Variants in AGPAT3 observed in about 807,000 individuals in gnomAD.
AGPAT3 encodes 1-acyl-sn-glycerol-3-phosphate acyltransferase gamma.
AGPAT3 carries 5 observed loss-of-function variants against 47.3 expected under a neutral mutation model. The observed-to-expected ratio is 0.11, with a 90% CI of 0.06 to 0.22. AGPAT3 has a LOEUF of 0.22. AGPAT3 is among the 10% of genes least tolerant of loss of function. AGPAT3 has a pLI of 1.00. For missense variants in AGPAT3, 315 were observed against 493.0 expected, an observed-to-expected ratio of 0.64 and a Z score of 3.42; for synonymous variants, 212 against 208.3, an observed-to-expected ratio of 1.02 and a Z score of -0.15.
Position 43,970,557 on chromosome 21 carries a change from A to T in AGPAT3, c.511-96A>T. The stretch of plus-strand genomic sequence containing the variant: ...TTCCAAGATTTCCACAAATTCAGCC[A>T]CAACCTTTGCTGCCTGTCAGAGAGG... On this transcript the variant is annotated intron_variant, in intron 5 of 9. Transcript: ENST00000291572. The surrounding 1 kb of genome is among the most constrained non-coding windows in gnomAD (Gnocchi z 5.8). 7.3e-7 allele frequency: 1 copy of T among 1,379,090 alleles called. No homozygotes were observed. The highest frequency in any genetic ancestry group is 1.0e-6 in the Non-Finnish European group (1 of 1,004,832). 85.4% of individuals were successfully genotyped at this position (1,379,090 alleles called of 1,614,324 possible). A position where few individuals can be genotyped will look rare whatever the true frequency, so the allele number is the denominator to read the frequency against.
At chr21:43,923,790 AGCTGGGGT>A (rs2086967971) in intron 2 of AGPAT3, among the ~76,000 whole-genome samples, 1 of 152,146 alleles carries the variant, frequency 6.6e-6, no homozygotes, top group Admixed American at 6.5e-5. Flanking sequence ...GTCCCTGGGG[AGCTGGGGT>A]GCACGGGCCT....
chr21:43,937,554 GT>G (rs764182859), intron 2 of AGPAT3, among the ~76,000 whole-genome samples: 11 of 152,130 alleles, frequency 7.2e-5, no homozygotes, highest in Non-Finnish European at 1.3e-4. Flanking sequence ...GGAAAAGGGA[GT>G]TTTTTTTGTT....
chr21:43,888,081 C>T (rs2086020571), intron 1 of AGPAT3, among the ~76,000 whole-genome samples: 1 of 152,222 alleles, frequency 6.6e-6, no homozygotes, highest in Non-Finnish European at 1.5e-5. Flanking sequence ...CACTCTTTCA[C>T]CTGTATTGGA....
chr21:43,972,295 C>G (rs1207480563), intron 7 of AGPAT3, among the ~76,000 whole-genome samples: 3 of 152,182 alleles, frequency 2.0e-5, no homozygotes, highest in African/African-American at 7.2e-5. Context: ...CAGGTGCCCA[C>G]TACCTCGCCT....
intron 3 of AGPAT3, chr21:43,965,731 C>T (rs1422792416): frequency 6.6e-6 from 1 of 152,134 alleles, no homozygotes; most frequent in African/African-American, 2.4e-5. Flanking sequence ...GTGCCCCAGC[C>T]TCCCAAGTAG....
intron 1 of AGPAT3, among the ~76,000 whole-genome samples, chr21:43,887,988 T>C (rs771374987): frequency 2.0e-5 from 3 of 152,242 alleles, no homozygotes; most frequent in Non-Finnish European, 4.4e-5. Context: ...TAATTCAACT[T>C]CTCTATACAA....
intron 1 of AGPAT3, among the ~76,000 whole-genome samples, chr21:43,889,974 C>T (rs138318387): frequency 6.7e-6 from 1 of 150,112 alleles, no homozygotes; most frequent in African/African-American, 2.4e-5. Context: ...ATTTTGGATC[C>T]GTGTCCCTAA....
chr21:43,945,894 C>T (rs565145637), intron 2 of AGPAT3, among the ~76,000 whole-genome samples: 1 of 152,136 alleles, frequency 6.6e-6, no homozygotes, highest in Non-Finnish European at 1.5e-5. Flanking sequence ...AGAACTCATC[C>T]CCAGGCAGCC....
At position 43,930,279 on chromosome 21, in the gene AGPAT3, C is replaced by T. The variant is rs545743896; in HGVS notation, c.-49+26260C>T. Among the ~76,000 whole-genome samples, 2 of 152,236 alleles carry T rather than the reference C, an allele frequency of 1.3e-5. No individual in the cohort carries two copies. The highest frequency in any genetic ancestry group is 2.9e-5 in the Non-Finnish European group (2 of 67,984). ...ACGGTGGGGTAGGGGGCTCTGGTGCCAATACCAATGCAGCCCGGTTCCCTG... is the reference window on the plus strand; with the variant it reads ...ACGGTGGGGTAGGGGGCTCTGGTGCTAATACCAATGCAGCCCGGTTCCCTG... On this transcript the variant is annotated intron_variant, in intron 2 of 9. Transcript: ENST00000291572. This position sits in a 1 kb window ranked among gnomAD's most constrained non-coding sequence, Gnocchi z 5.0.
At chr21:43,879,720 A>G (rs1183135175) in intron 1 of AGPAT3, among the ~76,000 whole-genome samples, 1 of 152,172 alleles carries the variant, frequency 6.6e-6, no homozygotes, top group Non-Finnish European at 1.5e-5. Flanking sequence ...CAGGGCGGCC[A>G]TGTTGTGTGT....
At chr21:43,923,998 C>G (rs990678141) in intron 2 of AGPAT3, among the ~76,000 whole-genome samples, 5 of 152,122 alleles carry the variant, frequency 3.3e-5, no homozygotes, top group African/African-American at 1.2e-4. Context: ...TGCTCCCATC[C>G]TGTAGGAAAT....
intron 2 of AGPAT3, among the ~76,000 whole-genome samples, chr21:43,938,316 CTTTTTTTT>C (rs57776186): frequency 0.047 from 3,312 of 70,650 alleles, 123 homozygotes; most frequent in African/African-American, 0.15. Flanking sequence ...ATCTGCAAAT[CTTTTTTTT>C]TTTTTTTTTT....
chr21:43,939,606 G>A lies in AGPAT3; in HGVS notation c.-48-20028G>A, dbSNP rs559997697. On this transcript the variant is annotated intron_variant, in intron 2 of 9. Transcript: ENST00000291572. The surrounding 1 kb of genome is among the most constrained non-coding windows in gnomAD (Gnocchi z 4.4). The stretch of plus-strand genomic sequence containing the variant: ...AGTGTCGCGGGCGCCTGGCCTGTCC[G>A]GCAGGCTGGGTGGCTGTTCTCTGTT... Among the ~76,000 whole-genome samples, 2 of 152,166 alleles carry A rather than the reference G, an allele frequency of 1.3e-5. No individual in the cohort carries two copies. Among genetic ancestry groups the A allele is most frequent in the Non-Finnish European group, 2.9e-5 (2 of 68,028 alleles).
chr21:43,928,270 C>A (rs2087123227), intron 2 of AGPAT3, among the ~76,000 whole-genome samples: 1 of 152,196 alleles, frequency 6.6e-6, no homozygotes, highest in Non-Finnish European at 1.5e-5. Context: ...GTACCCCTGC[C>A]CTGAGTTCGA....
Position 43,969,344 on chromosome 21 carries a change from C to T in AGPAT3, c.510+65C>T, listed in dbSNP as rs186689351. 53 of 1,586,636 alleles carry T rather than the reference C, an allele frequency of 3.3e-5. No homozygotes were observed. The African/African-American group carries it at 3.9e-4, about 12-fold the overall frequency. On this transcript the variant is annotated intron_variant, in intron 5 of 9. Coordinates refer to ENST00000291572, the MANE Select transcript of AGPAT3 (RefSeq NM_020132.5). Reference sequence around the variant, plus strand: ...GGAGGCCACGCCAACTCCTGATGCACGGCTGCCCACATCCCAGGCTGGGAA... The same window carrying T: ...GGAGGCCACGCCAACTCCTGATGCATGGCTGCCCACATCCCAGGCTGGGAA...
At chr21:43,977,939 G>A in intron 7 of AGPAT3, 107 bp from the exon 8 acceptor site, 1 of 745,740 alleles carries the variant, frequency 1.3e-6, no homozygotes, top group Non-Finnish European at 2.2e-6. Flanking sequence ...GACAGAAGGA[G>A]TGGGGCCCAT....
chr21:43,879,999 T>C (rs1310812815), intron 1 of AGPAT3, among the ~76,000 whole-genome samples: 1 of 152,198 alleles, frequency 6.6e-6, no homozygotes, highest in Non-Finnish European at 1.5e-5. Context: ...TCTGCCCGTC[T>C]CTGTTACTGT....
chr21:43,901,347 G>GAA (rs1297053394), intron 1 of AGPAT3, among the ~76,000 whole-genome samples: 1 of 148,394 alleles, frequency 6.7e-6, no homozygotes, highest in Admixed American at 6.7e-5. Flanking sequence ...AAAGAGAAGA[G>GAA]AAAAGAGAAG....
At chr21:43,931,051 C>G (rs938858879) in intron 2 of AGPAT3, among the ~76,000 whole-genome samples, 5 of 152,170 alleles carry the variant, frequency 3.3e-5, no homozygotes, top group Admixed American at 2.6e-4. Context: ...TTGCCATTGC[C>G]TTTTCTCGAG....
Sources: allele counts gnomAD v4.1 joint callset (sites outside exome capture counted in the v4.1 genomes callset), GRCh38; gene constraint gnomAD v4.1.1; non-coding constraint Gnocchi (gnomAD v3.1); transcripts MANE v1.5; gene names NCBI Gene and HGNC (gene_info 2026-07-23, HGNC 2026-07-21).